RASA1: variants seen among roughly 807,000 people sequenced by gnomAD.
RASA1 encodes RAS p21 protein activator 1.
RASA1 carries 25 observed loss-of-function variants against 132.2 expected under a neutral mutation model. The observed-to-expected ratio is 0.19, with a 90% CI of 0.14 to 0.26. The LOEUF (loss-of-function observed/expected upper bound fraction) is 0.26, where lower values mean the gene tolerates loss of function less well. RASA1 is among the 10% of genes least tolerant of loss of function. RASA1 has a pLI of 1.00. For synonymous variants in RASA1, 477 were observed against 449.9 expected (o/e 1.06, Z -0.76); for missense variants, 964 against 1,299.2 (o/e 0.74, Z 3.97).
At chr5:87,298,578 G>A (rs1755222725) in intron 1 of RASA1, among the ~76,000 whole-genome samples, 2 of 152,082 alleles carry the variant, frequency 1.3e-5, no homozygotes, top group African/African-American at 4.8e-5. Flanking sequence ...AGAGGGGATA[G>A]CAAATTAAAG....
At chr5:87,283,146 G>GTTTTTTTTTTTT (rs1235994274) in intron 1 of RASA1, among the ~76,000 whole-genome samples, 1 of 95,264 alleles carries the variant, frequency 1.0e-5, no homozygotes, top group Non-Finnish European at 2.4e-5. Flanking sequence ...TTTTTTTTTT[G>GTTTTTTTTTTTT]TGTTTTTTTT....
intron 12 of RASA1, among the ~76,000 whole-genome samples, chr5:87,371,448 ATATT>A (rs1760933434): frequency 6.6e-6 from 1 of 152,178 alleles, no homozygotes; most frequent in Non-Finnish European, 1.5e-5. Context: ...ACCAAAGTGA[ATATT>A]TAGATTTGTT....
At chr5:87,301,323 T>C (rs1380308402) in intron 1 of RASA1, among the ~76,000 whole-genome samples, 2 of 152,172 alleles carry the variant, frequency 1.3e-5, no homozygotes, top group Non-Finnish European at 2.9e-5. Context: ...TTAGAATTAC[T>C]TTTTTTCCCT....
At chr5:87,311,216 C>T (rs760750772) in intron 1 of RASA1, among the ~76,000 whole-genome samples, 13 of 152,080 alleles carry the variant, frequency 8.5e-5, no homozygotes, top group Non-Finnish European at 1.5e-4. Flanking sequence ...ATATGGCAGA[C>T]ATTTTCTTGA....
intron 20 of RASA1, among the ~76,000 whole-genome samples, chr5:87,381,332 A>C (rs756754334): frequency 2.0e-5 from 3 of 152,196 alleles, no homozygotes; most frequent in Non-Finnish European, 4.4e-5. Flanking sequence ...GTCTTATTGT[A>C]GGCTTTTGCT....
chr5:87,285,838 C>T (rs990083277), intron 1 of RASA1, among the ~76,000 whole-genome samples: 4 of 151,750 alleles, frequency 2.6e-5, no homozygotes, highest in Admixed American at 6.6e-5. Context: ...AGGCTGCTCT[C>T]GAACTCCTGA....
chr5:87,318,746 TC>T (rs1756539493), intron 1 of RASA1: 3 of 152,060 alleles, frequency 2.0e-5, no homozygotes, highest in Admixed American at 2.0e-4. Flanking sequence ...CATATCATTC[TC>T]CCCAGCCTCT....
intron 1 of RASA1, among the ~76,000 whole-genome samples, chr5:87,282,781 G>C (rs1754372133): frequency 6.6e-6 from 1 of 151,890 alleles, no homozygotes; most frequent in South Asian, 2.1e-4. Context: ...TTGATCTGTT[G>C]GTCCTCAAGT....
intron 9 of RASA1, among the ~76,000 whole-genome samples, chr5:87,356,572 T>C (rs948808505): frequency 6.6e-6 from 1 of 152,072 alleles, no homozygotes; most frequent in South Asian, 2.1e-4. Context: ...TTTGTAGAGA[T>C]AGAGTCTTGC....
At chr5:87,386,027 T>C (rs1057426952) in intron 22 of RASA1, among the ~76,000 whole-genome samples, 1 of 152,074 alleles carries the variant, frequency 6.6e-6, no homozygotes, top group Non-Finnish European at 1.5e-5. Context: ...GCTTTTGCTA[T>C]GTGTTACAAG....
chr5:87,367,940 T>G (rs1211142491), intron 11 of RASA1, among the ~76,000 whole-genome samples: 14 of 152,154 alleles, frequency 9.2e-5, no homozygotes, highest in Admixed American at 8.5e-4. Flanking sequence ...CCTTATATTT[T>G]TAGTGGGAAA....
chr5:87,268,873 C>G lies in RASA1; in HGVS notation c.422C>G (p.Pro141Arg). 1 of 1,614,190 alleles carries G rather than the reference C, an allele frequency of 6.2e-7. No individual in the cohort carries two copies. The highest frequency in any genetic ancestry group is 8.5e-7 in the Non-Finnish European group (1 of 1,180,014). ...GGGFPPLPPP[P>R]YLPPLGAGLG... ...GGTTTTCCCCCTCTGCCCCCTCCCC[C>G]TTACCTGCCCCCTTTGGGGGCGGGC... The change falls in exon 1 of 25, where the codon CCT becomes CGT. Residue 141 changes from proline to arginine, a missense_variant. Around this residue, in one of 6 missense-constraint regions of RASA1, gnomAD observed 326 missense variants for 275.8 expected, o/e 1.18. Coordinates refer to ENST00000274376, the MANE Select transcript of RASA1 (RefSeq NM_002890.3).
In RASA1 at chr5:87,386,864, C is replaced by T; in HGVS notation, c.2886C>T (p.Ser962=). The T allele has an allele frequency of 3.1e-6, 5 of 1,612,782 alleles. No homozygotes were observed. The highest frequency in any genetic ancestry group is 3.4e-6 in the Non-Finnish European group (4 of 1,179,316). The change falls in exon 23 of 25, where the codon AGC becomes AGT. Residue 962 remains serine, a synonymous_variant. Transcript: ENST00000274376. ...AAGGTGTCAATCCATTCATCAAAAG[C>T]AACAAACATCGTATGATCATGTTTT... ...YMEGVNPFIK[S]NKHRMIMFLD...
At chr5:87,349,095 G>C in intron 7 of RASA1, 119 bp from the exon 8 acceptor site, 1 of 1,228,744 alleles carries the variant, frequency 8.1e-7, no homozygotes, top group Non-Finnish European at 1.1e-6. Context: ...AAAAAAACAA[G>C]TTCCTGGTGA....
At position 87,268,499 on chromosome 5, in the gene RASA1, C is replaced by G. The variant is rs566022333; in HGVS notation, c.48C>G (p.Ala16=). 1.3e-6 allele frequency: 2 copies of G among 1,561,008 alleles called. No individual in the cohort carries two copies. The highest frequency in any genetic ancestry group is 1.2e-5 in the South Asian group (1 of 85,300). The change falls in exon 1 of 25, where the codon GCC becomes GCG. Residue 16 remains alanine, a synonymous_variant. Transcript: ENST00000274376. ...GTGAGGAGGGCGGCCCGGTAACAGC[C>G]GGAGCTGGAGGAGGCGGCGCGGCAG... ...AGSEEGGPVT[A]GAGGGGAAAG... is the part of the protein sequence containing the mutation.
At chr5:87,370,450 AAC>A (rs1397780118) in intron 12 of RASA1, among the ~76,000 whole-genome samples, 4 of 152,170 alleles carry the variant, frequency 2.6e-5, no homozygotes, top group African/African-American at 9.7e-5. Flanking sequence ...TTTTTTAAAA[AAC>A]ACTCTTTAAA....
In RASA1 at chr5:87,379,799, T is replaced by C; in HGVS notation, c.2552T>C (p.Ile851Thr). The C allele has an allele frequency of 1.2e-6, 2 of 1,612,928 alleles. No individual in the cohort carries two copies. Among genetic ancestry groups the C allele is most frequent in the Non-Finnish European group, 1.7e-6 (2 of 1,179,186 alleles). Reference protein sequence around the residue: ...VNTNLTHLLNILSELVEKIFM... With the variant: ...VNTNLTHLLNTLSELVEKIFM... ...ACTAATTTAACACACCTATTGAACA[T>C]ACTTTCAGAGCTTGTGGAGAAAATA... The change falls in exon 19 of 25, where the codon ATA becomes ACA. Residue 851 changes from isoleucine (I) to threonine (T), a missense_variant. Physicochemically the swap from Ile to Thr is moderately conservative, Grantham distance 89. Coordinates refer to ENST00000274376, the MANE Select transcript of RASA1 (RefSeq NM_002890.3).
chr5:87,270,786 A>G (rs1753797656), intron 1 of RASA1, among the ~76,000 whole-genome samples: 1 of 151,168 alleles, frequency 6.6e-6, no homozygotes, highest in Admixed American at 6.6e-5. Flanking sequence ...TTTGATACTT[A>G]AAGGGGAAAA....
chr5:87,270,129 C>A (rs906851239), intron 1 of RASA1, among the ~76,000 whole-genome samples: 25 of 150,996 alleles, frequency 1.7e-4, no homozygotes, highest in African/African-American at 5.8e-4. Flanking sequence ...ATAATCCTAG[C>A]TACTTGGGAG....
Sources: gnomAD v4.1 joint callset for allele counts (sites outside exome capture counted in the v4.1 genomes callset) on GRCh38, gnomAD v4.1.1 for gene constraint, gnomAD v4.1.1 regional missense constraint, MANE v1.5 for transcripts, NCBI Gene and HGNC (gene_info 2026-07-23, HGNC 2026-07-21) for gene names.